CASP6: variants seen among roughly 807,000 people sequenced by gnomAD.
CASP6 encodes caspase-6.
A neutral mutation model predicts 31.8 loss-of-function variants in CASP6; 20 were observed. The observed-to-expected ratio is 0.63, with a 90% CI of 0.44 to 0.91. The LOEUF (loss-of-function observed/expected upper bound fraction) is 0.91. Among genes scored for constraint, CASP6 ranks in the 40% least tolerant of loss-of-function variants. The pLI, the probability that CASP6 is intolerant of heterozygous loss-of-function variation, is 0.00. For missense variants in CASP6, 328 were observed against 361.1 expected, an observed-to-expected ratio of 0.91 and a Z score of 0.74; for synonymous variants, 130 against 127.8, an observed-to-expected ratio of 1.02 and a Z score of -0.12.
upstream of CASP6, among the ~76,000 whole-genome samples, chr4:109,705,527 C>T (rs986886687): frequency 1.3e-5 from 2 of 152,054 alleles, 1 homozygote; most frequent in Admixed American, 1.3e-4. Flanking sequence ...CATCATGATT[C>T]CTCTGATAGT....
At chr4:109,668,183 C>A in the CASP6 span, among the ~76,000 whole-genome samples, 5 of 151,998 alleles carry the variant, frequency 3.3e-5, no homozygotes, top group Non-Finnish European at 7.4e-5. Context: ...CAACTGTATA[C>A]CCCGTGATTT....
intron 1 of CASP6, chr4:109,702,934 C>G (rs997331752): frequency 1.1e-5 from 2 of 176,362 alleles, no homozygotes; most frequent in South Asian, 1.9e-4. Flanking sequence ...CTCCTTTTCA[C>G]TTTTCGAAGT....
At chr4:109,702,177 C>A (rs1401840857) in intron 1 of CASP6, among the ~76,000 whole-genome samples, 1 of 152,208 alleles carries the variant, frequency 6.6e-6, no homozygotes, top group Non-Finnish European at 1.5e-5. Flanking sequence ...CTGGACCCTG[C>A]ACTGTGCCTC....
In CASP6 at chr4:109,694,631, T is replaced by C; in HGVS notation, c.377A>G (p.His126Arg). 3.1e-6 allele frequency: 5 copies of C among 1,612,802 alleles called. No individual in the cohort carries two copies. Among genetic ancestry groups the C allele is most frequent in the South Asian group, 1.1e-5 (1 of 90,600 alleles). ...GATTTTAGCATCATATGCATAAATGTGATTGCCTTCGCCATGGCTCAGGAA... is the reference window on the plus strand; with the variant it reads ...GATTTTAGCATCATATGCATAAATGCGATTGCCTTCGCCATGGCTCAGGAA... ...CVFLSHGEGN[H>R]IYAYDAKIEI... The change falls in exon 5 of 7, where the codon CAC becomes CGC. Residue 126 changes from histidine (H) to arginine (R), a missense_variant. Transcript: ENST00000265164.
At chr4:109,690,722 A>G in intron 6 of CASP6, 128 bp downstream of exon 6, 1 of 905,486 alleles carries the variant, frequency 1.1e-6, no homozygotes, top group Non-Finnish European at 1.6e-6. Flanking sequence ...AGAAATTCTA[A>G]GTCTGTGAGC....
rs766249801 is a variant in CASP6 at position 109,689,291 on chromosome 4, T to A, written c.*39A>T. Reference sequence around the variant, plus strand: ...TAACCACGCCTGGCTGAGAAAGCCATTTTCAATACAGAGTGTAAAATTAGA... The same window carrying A: ...TAACCACGCCTGGCTGAGAAAGCCAATTTCAATACAGAGTGTAAAATTAGA... On this transcript the variant is annotated 3_prime_UTR_variant, in exon 7 of 7. Transcript: ENST00000265164. 3.1e-6 allele frequency: 5 copies of A among 1,590,276 alleles called. No individual in the cohort carries two copies. The African/African-American group carries it at 6.7e-5, about 21-fold the overall frequency.
At chr4:109,684,144 G>A (rs531008072), downstream of CASP6, among the ~76,000 whole-genome samples, 13 of 150,360 alleles carry the variant, frequency 8.6e-5, no homozygotes, top group South Asian at 2.1e-4. Flanking sequence ...CTCACTGCAA[G>A]CTCCACCTCC....
At chr4:109,697,853 A>G in intron 2 of CASP6, 85 bp from the exon 3 acceptor site, 1 of 1,438,228 alleles carries the variant, frequency 7.0e-7, no homozygotes, top group South Asian at 1.3e-5. Context: ...ATGTAGATAG[A>G]GATCTGAGCT....
downstream of CASP6, among the ~76,000 whole-genome samples, chr4:109,684,112 G>A (rs565598336): frequency 1.4e-5 from 2 of 144,626 alleles, no homozygotes; most frequent in South Asian, 4.2e-4. Flanking sequence ...GCCCAGGCTG[G>A]AGTGCAGTGG....
upstream of CASP6, among the ~76,000 whole-genome samples, chr4:109,707,044 T>C (rs1189864354): frequency 1.3e-5 from 2 of 152,248 alleles, no homozygotes; most frequent in African/African-American, 4.8e-5. Context: ...TATAACTCGC[T>C]GAAGGCTCAG....
chr4:109,665,491 C>T, the CASP6 span, among the ~76,000 whole-genome samples: 3 of 152,048 alleles, frequency 2.0e-5, no homozygotes, highest in South Asian at 6.2e-4. Context: ...GCAAACTCTA[C>T]CAAACTCTAC....
the CASP6 span, among the ~76,000 whole-genome samples, chr4:109,683,575 TACAA>T: frequency 3.9e-5 from 6 of 152,226 alleles, no homozygotes; most frequent in African/African-American, 9.7e-5. Context: ...TTTATCTGTG[TACAA>T]ACAAATACAT....
rs1025992306 is a variant in CASP6 at position 109,690,707 on chromosome 4, G to A, written c.643+143C>T. The stretch of plus-strand genomic sequence containing the variant: ...TTCATTTATCACTCTGTGCCATGTG[G>A]TCAAAGAAATTCTAAGTCTGTGAGC... On this transcript the variant is annotated intron_variant, in intron 6 of 6. Transcript: ENST00000265164. The A allele has an allele frequency of 7.8e-6, 6 of 764,804 alleles. No homozygotes were observed. The African/African-American group carries it at 1.1e-4, about 14-fold the overall frequency. The allele number at this position is 764,804 out of a possible 1,614,324, so 47.4% of individuals were successfully genotyped here.
chr4:109,682,931 T>C, the CASP6 span: 1 of 522,382 alleles, frequency 1.9e-6, no homozygotes, highest in South Asian at 2.3e-5. Context: ...AACAGAGCTG[T>C]ATCGCTAATA....
downstream of CASP6, chr4:109,687,644 C>T: frequency 1.7e-6 from 2 of 1,207,790 alleles, no homozygotes; most frequent in Non-Finnish European, 2.4e-6. Flanking sequence ...GATTTTGCAA[C>T]TTAGGATGTT....
intron 5 of CASP6, chr4:109,692,459 C>G (rs1361014499): frequency 6.6e-6 from 1 of 152,186 alleles, no homozygotes; most frequent in Admixed American, 6.5e-5. Flanking sequence ...AAAACGATTT[C>G]ATTTGTGGCT....
downstream of CASP6, chr4:109,688,576 TATCA>T (rs1014801849): frequency 6.6e-6 from 1 of 152,168 alleles, no homozygotes; most frequent in African/African-American, 2.4e-5. Context: ...AAAAAACATC[TATCA>T]ATTACACAAA....
upstream of CASP6, among the ~76,000 whole-genome samples, chr4:109,708,427 G>C (rs1455091665): frequency 1.3e-5 from 2 of 152,184 alleles, no homozygotes; most frequent in African/African-American, 4.8e-5. Flanking sequence ...AAACAGCAGT[G>C]GCATTTTTTG....
chr4:109,677,682 C>T, the CASP6 span, among the ~76,000 whole-genome samples: 1 of 152,090 alleles, frequency 6.6e-6, no homozygotes, highest in Admixed American at 6.6e-5. Context: ...CTCTCTCTCA[C>T]CCACGTAATG....
Sources: allele counts gnomAD v4.1 joint callset (sites outside exome capture counted in the v4.1 genomes callset), GRCh38; gene constraint gnomAD v4.1.1; transcripts MANE v1.5; gene names NCBI Gene and HGNC (gene_info 2026-07-23, HGNC 2026-07-21).